The following PRKAR1B variants were observed in gnomAD, a reference collection of about 807,000 sequenced individuals.
The protein encoded by PRKAR1B is cAMP-dependent protein kinase type I-beta regulatory subunit.
In PRKAR1B, 22 loss-of-function variants were observed where a neutral mutation model predicts 46.5. The observed-to-expected ratio is 0.47, with a 90% CI of 0.34 to 0.68. The LOEUF (loss-of-function observed/expected upper bound fraction) is 0.68. Ranked by LOEUF, PRKAR1B falls within the 30% of genes least tolerant of loss-of-function variation. The pLI, the probability that PRKAR1B is intolerant of heterozygous loss-of-function variation, is 0.01. For missense variants in PRKAR1B, 445 were observed against 535.6 expected, an observed-to-expected ratio of 0.83 and a Z score of 1.67; for synonymous variants, 259 against 217.7, an observed-to-expected ratio of 1.19 and a Z score of -1.67.
intron 7 of PRKAR1B, among the ~76,000 whole-genome samples, chr7:590,420 ACGTGTGG>A (rs1206029755): frequency 6.6e-6 from 1 of 151,738 alleles, no homozygotes; most frequent in Non-Finnish European, 1.5e-5. Context: ...TGCCACTCCA[ACGTGTGG>A]CCCTCGCGTG....
intron 4 of PRKAR1B, among the ~76,000 whole-genome samples, chr7:622,297 C>T (rs1006166515): frequency 2.0e-5 from 3 of 152,206 alleles, no homozygotes; most frequent in East Asian, 1.9e-4. Flanking sequence ...AGAAGAGCAG[C>T]GAGGTGAGGG....
intron 6 of PRKAR1B, among the ~76,000 whole-genome samples, chr7:596,635 C>T (rs1456887825): frequency 6.6e-6 from 1 of 152,244 alleles, no homozygotes. Flanking sequence ...CCCAGCCTGA[C>T]TCCCAGGCAG....
At chr7:682,217 C>A (rs557867321) in intron 2 of PRKAR1B, among the ~76,000 whole-genome samples, 2 of 152,080 alleles carry the variant, frequency 1.3e-5, no homozygotes, top group Non-Finnish European at 2.9e-5. Flanking sequence ...TGCTGTGTGA[C>A]CCTGAGTAAG....
intron 4 of PRKAR1B, among the ~76,000 whole-genome samples, chr7:619,110 G>A (rs1782981325): frequency 6.6e-6 from 1 of 152,176 alleles, no homozygotes; most frequent in African/African-American, 2.4e-5. Context: ...TATGATTGGT[G>A]TCCTTATAAA....
chr7:640,813 C>CAA (rs1784351506), intron 4 of PRKAR1B, among the ~76,000 whole-genome samples: 1 of 139,514 alleles, frequency 7.2e-6, no homozygotes, highest in East Asian at 2.1e-4. Flanking sequence ...CACACAGACA[C>CAA]AAATGAAATA....
At chr7:683,699 A>G (rs923250429) in intron 2 of PRKAR1B, among the ~76,000 whole-genome samples, 7 of 152,228 alleles carry the variant, frequency 4.6e-5, no homozygotes, top group Non-Finnish European at 8.8e-5. Flanking sequence ...ATGCAGTCAC[A>G]GAGACGCCCT....
intron 4 of PRKAR1B, among the ~76,000 whole-genome samples, chr7:629,180 GCA>G (rs1308498017): frequency 5.9e-5 from 9 of 152,258 alleles, no homozygotes; most frequent in African/African-American, 2.2e-4. Flanking sequence ...CGGGCTCATG[GCA>G]CAGTGACAGG....
chr7:676,259 TC>T (rs1335226974), intron 4 of PRKAR1B, among the ~76,000 whole-genome samples: 1 of 152,118 alleles, frequency 6.6e-6, no homozygotes, highest in Non-Finnish European at 1.5e-5. Flanking sequence ...ATGATCAACA[TC>T]CCCACACATG....
intron 2 of PRKAR1B, among the ~76,000 whole-genome samples, chr7:693,258 T>G (rs1222222938): frequency 6.7e-6 from 1 of 149,572 alleles, no homozygotes; most frequent in Non-Finnish European, 1.5e-5. Flanking sequence ...TTTTTTTAAT[T>G]GAGGTAAAAG....
chr7:604,936 G>A (rs1781923350), intron 6 of PRKAR1B, among the ~76,000 whole-genome samples: 1 of 152,170 alleles, frequency 6.6e-6, no homozygotes, highest in African/African-American at 2.4e-5. Context: ...AGCAGTGACC[G>A]TCTCGGGTAG....
At chr7:658,310 C>A (rs1242774264) in intron 4 of PRKAR1B, among the ~76,000 whole-genome samples, 1 of 152,072 alleles carries the variant, frequency 6.6e-6, no homozygotes, top group Non-Finnish European at 1.5e-5. Flanking sequence ...GTGGTGCACA[C>A]CTGTAGTTCC....
chr7:584,413 A>G, intron 8 of PRKAR1B, 95 bp downstream of exon 8: 1 of 1,080,282 alleles, frequency 9.3e-7, no homozygotes. Context: ...ACAACACTCA[A>G]CTGCCAGCCA....
chr7:600,930 G>T (rs536204268), intron 6 of PRKAR1B, among the ~76,000 whole-genome samples: 3 of 152,306 alleles, frequency 2.0e-5, no homozygotes, highest in African/African-American at 7.2e-5. Context: ...GGCAACACAC[G>T]GACGGCAGCA....
intron 4 of PRKAR1B, among the ~76,000 whole-genome samples, chr7:628,546 G>A (rs1470845077): frequency 6.6e-6 from 1 of 152,216 alleles, no homozygotes; most frequent in African/African-American, 2.4e-5. Flanking sequence ...GTGAGGAAGA[G>A]CAAAGGCCGG....
chr7:723,429 C>G (rs1043898667), intron 1 of PRKAR1B, among the ~76,000 whole-genome samples: 2 of 152,164 alleles, frequency 1.3e-5, no homozygotes, highest in Admixed American at 1.3e-4. Flanking sequence ...AAAAAGAAAA[C>G]CCAGGGGACC....
At chr7:580,110 G>A (rs1195463015) in intron 8 of PRKAR1B, among the ~76,000 whole-genome samples, 4 of 151,738 alleles carry the variant, frequency 2.6e-5, no homozygotes, top group African/African-American at 9.7e-5. Context: ...GTACACCTGT[G>A]GTCCCAGCTC....
intron 2 of PRKAR1B, among the ~76,000 whole-genome samples, chr7:684,016 T>G (rs938284503): frequency 1.3e-5 from 2 of 150,260 alleles, no homozygotes; most frequent in African/African-American, 4.9e-5. Flanking sequence ...TACCTCCACA[T>G]GCACCAATGC....
chr7:607,455 GA>G lies in PRKAR1B; in HGVS notation c.441-4del, dbSNP rs771280762. 1.2e-6 allele frequency: 2 copies of G among 1,613,628 alleles called. No homozygotes were observed. The highest frequency in any genetic ancestry group is 2.7e-5 in the African/African-American group (2 of 74,926). On this transcript the variant is annotated splice_region_variant and splice_polypyrimidine_tract_variant and intron_variant, in intron 4 of 10. Coordinates refer to ENST00000537384, the MANE Select transcript of PRKAR1B (RefSeq NM_001164760.2). ...GGAACATGGCATCGAATATGTCACTGAAAAGCAAAACACGCCAAATTAGGGC... is the reference window on the plus strand; with the variant it reads ...GGAACATGGCATCGAATATGTCACTGAAAGCAAAACACGCCAAATTAGGGC...
At chr7:691,245 G>A (rs1043394845) in intron 2 of PRKAR1B, among the ~76,000 whole-genome samples, 16 of 152,104 alleles carry the variant, frequency 1.1e-4, no homozygotes, top group East Asian at 7.7e-4. Flanking sequence ...AATCCTACCC[G>A]AAGGGTCCCG....
Sources: allele counts gnomAD v4.1 joint callset (sites outside exome capture counted in the v4.1 genomes callset), GRCh38; gene constraint gnomAD v4.1.1; transcripts MANE v1.5; gene names NCBI Gene and HGNC (gene_info 2026-07-23, HGNC 2026-07-21).